WDR55: variants seen among roughly 807,000 people sequenced by gnomAD.
WDR55 encodes the protein WD repeat domain 55.
In WDR55, 31 loss-of-function variants were observed where a neutral mutation model predicts 34.0. The observed-to-expected ratio is 0.91, with a 90% CI of 0.69 to 1.23. The LOEUF is 1.23. WDR55 is among the 50% of genes most tolerant of loss of function. The pLI, the probability that WDR55 is intolerant of heterozygous loss-of-function variation, is 0.00. For synonymous variants in WDR55, 164 were observed against 185.9 expected (o/e 0.88, Z 0.96); for missense variants, 440 against 494.6 (o/e 0.89, Z 1.05).
chr5:140,667,939 C>A (rs1386699471), intron 1 of WDR55: 1 of 263,346 alleles, frequency 3.8e-6, no homozygotes, highest in Non-Finnish European at 7.2e-6. Context: ...CACAGTGGTC[C>A]AGACCCAATC....
rs911633533 is a variant in WDR55 at position 140,672,161 on chromosome 5, T to C, written c.*2507T>C. 1.8e-5 allele frequency: 10 copies of C among 566,046 alleles called. No homozygotes were observed. In the Admixed American group the frequency reaches 1.9e-4, roughly 11 times the overall value. The allele number at this position is 566,046 out of a possible 1,614,324, so 35.1% of individuals were successfully genotyped here. ...ATTCCCTTGAGCAAATCAATTTCTC[T>C]AACAGTTTCCTCATAGCTTGAGGGT... On this transcript the variant is annotated 3_prime_UTR_variant, in exon 7 of 7. Coordinates refer to ENST00000358337, the MANE Select transcript of WDR55 (RefSeq NM_017706.5).
intron 2 of WDR55, 21 bp downstream of exon 2, chr5:140,668,355 C>T (rs1757972083): frequency 1.2e-6 from 2 of 1,614,064 alleles, no homozygotes; most frequent in Non-Finnish European, 1.7e-6. Context: ...GGGAAGACAA[C>T]CAGCAATGTG....
rs1758016831 is a variant in WDR55, at chr5:140,669,489, T to C, written c.987T>C (p.Ala329=). 3.7e-6 allele frequency: 6 copies of C among 1,613,952 alleles called. No homozygotes were observed. Among genetic ancestry groups the C allele is most frequent in the Non-Finnish European group, 5.1e-6 (6 of 1,179,992 alleles). Residue 329 remains alanine (A), a synonymous_variant, in exon 7 of 7, where the codon GCT becomes GCC. Coordinates refer to ENST00000358337, the MANE Select transcript of WDR55 (RefSeq NM_017706.5). ...LKFWDMAQLR[A]VVVDDYRRRK... ...TTTGGGACATGGCCCAGCTGCGAGCTGTGGTGGTGGATGACTACCGTCGGC... is the reference window on the plus strand; with the variant it reads ...TTTGGGACATGGCCCAGCTGCGAGCCGTGGTGGTGGATGACTACCGTCGGC...
Position 140,669,118 on chromosome 5 carries a change from A to G in WDR55, c.700A>G (p.Ile234Val), listed in dbSNP as rs1057358222. ...AGCCTGTGGCTCCAGTGAAGGTACC[A>G]TCTACCTCTTCAATTGGAATGGCTT... The part of the protein sequence containing the change: ...KVACGSSEGT[I>V]YLFNWNGFGA... The change falls in exon 6 of 7, where the codon ATC becomes GTC. Residue 234 changes from isoleucine (I) to valine (V), a missense_variant. Ile to Val is a conservative substitution (Grantham distance 29). Transcript: ENST00000358337. The G allele has an allele frequency of 5.0e-6, 8 of 1,614,142 alleles. No individual in the cohort carries two copies. The highest frequency in any genetic ancestry group is 6.8e-6 in the Non-Finnish European group (8 of 1,180,030).
chr5:140,671,667 C>T lies in WDR55; in HGVS notation c.*2013C>T. The T allele has an allele frequency of 1.3e-6, 2 of 1,583,170 alleles. No individual in the cohort carries two copies. Among genetic ancestry groups the T allele is most frequent in the Non-Finnish European group, 1.7e-6 (2 of 1,164,700 alleles). On this transcript the variant is annotated 3_prime_UTR_variant, in exon 7 of 7. Coordinates refer to ENST00000358337, the MANE Select transcript of WDR55 (RefSeq NM_017706.5). ...GGCTGTGGGGACCGCAAGAAGGGAC[C>T]CACAAGCTGCTGGCGAAGTCGCTGC... is the stretch of plus-strand genomic sequence containing the variant.
rs58033553 is a variant in WDR55, at chr5:140,666,613, T to C, written c.191+1510T>C. The C allele has an allele frequency of 1.7e-3, 1,690 of 985,068 alleles. 21 individuals carry two copies. In the African/African-American group the frequency reaches 0.028, roughly 16 times the overall value. 61.0% of individuals were successfully genotyped at this position (985,068 alleles called of 1,614,324 possible). On this transcript the variant is annotated intron_variant, in intron 1 of 6. Transcript: ENST00000358337. ...GAATGGTTGGTAACCATATGTCCATTTGTGTAATTATTTGAATGCTGTCTC... is the reference window on the plus strand; with the variant it reads ...GAATGGTTGGTAACCATATGTCCATCTGTGTAATTATTTGAATGCTGTCTC...
rs1020016200 is a variant in WDR55 at position 140,669,871 on chromosome 5, G to A, written c.*217G>A. Reference sequence around the variant, plus strand: ...AGCCTCTGGAGCAGCTGGGACTACAGGTGTGCACTACCACACCAGGCCAAT... The same window carrying A: ...AGCCTCTGGAGCAGCTGGGACTACAAGTGTGCACTACCACACCAGGCCAAT... On this transcript the variant is annotated 3_prime_UTR_variant, in exon 7 of 7. Transcript: ENST00000358337. 10 of 568,344 alleles carry A rather than the reference G, an allele frequency of 1.8e-5. No individual in the cohort carries two copies. Among genetic ancestry groups the A allele is most frequent in the Admixed American group, 6.4e-5 (2 of 31,164 alleles). The allele number at this position is 568,344 out of a possible 1,614,324, so 35.2% of individuals were successfully genotyped here. A position where few individuals can be genotyped will look rare whatever the true frequency, so the allele number is the denominator to read the frequency against.
At chr5:140,665,819 G>A (rs906673563) in intron 1 of WDR55, among the ~76,000 whole-genome samples, 2 of 151,924 alleles carry the variant, frequency 1.3e-5, no homozygotes, top group Non-Finnish European at 2.9e-5. Context: ...TGTTCAACAT[G>A]GTGAAACCCC....
At position 140,669,387 on chromosome 5, in the gene WDR55, G is replaced by T. The variant is rs1489229962; in HGVS notation, c.885G>T (p.Gly295=). The T allele has an allele frequency of 6.2e-7, 1 of 1,613,926 alleles. No homozygotes were observed. Among genetic ancestry groups the T allele is most frequent in the East Asian group, 2.2e-5 (1 of 44,894 alleles). The change falls in exon 7 of 7, where the codon GGG becomes GGT. Residue 295 remains glycine, a synonymous_variant. Coordinates refer to ENST00000358337, the MANE Select transcript of WDR55 (RefSeq NM_017706.5). ...TGGGCAGTGTGGGCCAGCACACTGG[G>T]GAGCCTGTGGAGGAGCTGGCCCTCT... is the stretch of plus-strand genomic sequence containing the variant. The part of the protein sequence containing the change: ...RVVGSVGQHT[G]EPVEELALSH...
chr5:140,671,553 G>A lies in WDR55; in HGVS notation c.*1899G>A. The A allele has an allele frequency of 6.4e-7, 1 of 1,567,494 alleles. No individual in the cohort carries two copies. The highest frequency in any genetic ancestry group is 1.2e-5 in the South Asian group (1 of 86,162). ...TTGGTGAGGAACACAGGGCTGCCCAGCTTCATTCGTTGGCACAGCAACTGC... is the reference window on the plus strand; with the variant it reads ...TTGGTGAGGAACACAGGGCTGCCCAACTTCATTCGTTGGCACAGCAACTGC... On this transcript the variant is annotated 3_prime_UTR_variant, in exon 7 of 7. Coordinates refer to ENST00000358337, the MANE Select transcript of WDR55 (RefSeq NM_017706.5).
rs770977496 is a variant in WDR55 at position 140,668,255 on chromosome 5, G to A, written c.213G>A (p.Glu71=). ...CCAGCTTTTCCTACTCTTGCCAAGA[G>A]GGAGAAACCAAGGAGCTCTGGTCAT... The part of the protein sequence containing the change: ...DVFVFSYSCQ[E]GETKELWSSG... Residue 71 remains glutamate (E), a synonymous_variant, in exon 2 of 7, where the codon GAG becomes GAA. Coordinates refer to ENST00000358337, the MANE Select transcript of WDR55 (RefSeq NM_017706.5). 10 of 1,610,668 alleles carry A rather than the reference G, an allele frequency of 6.2e-6. No homozygotes were observed. The highest frequency in any genetic ancestry group is 1.7e-4 in the Middle Eastern group (1 of 6,054).
At chr5:140,666,874 G>C (rs921437937) in intron 1 of WDR55, 2 of 985,196 alleles carry the variant, frequency 2.0e-6, no homozygotes, top group East Asian at 2.3e-4. Context: ...CTCTAGTCTA[G>C]GGTAGATGCT....
chr5:140,669,573 C>T lies in WDR55; in HGVS notation c.1071C>T (p.Asp357=). The part of the protein sequence containing the change: ...ALSSKTWSTD[D]FFAGLREEGE... ...GCAGCAAGACTTGGAGCACCGATGA[C>T]TTCTTCGCAGGACTGAGGGAAGAGG... is the stretch of plus-strand genomic sequence containing the variant. Residue 357 remains aspartate, a synonymous_variant, in exon 7 of 7, where the codon GAC becomes GAT. Coordinates refer to ENST00000358337, the MANE Select transcript of WDR55 (RefSeq NM_017706.5). The T allele has an allele frequency of 6.2e-7, 1 of 1,614,142 alleles. No homozygotes were observed. The highest frequency in any genetic ancestry group is 8.5e-7 in the Non-Finnish European group (1 of 1,180,014).
chr5:140,668,043 T>TGA, intron 1 of WDR55, 191 bp from the exon 2 acceptor site: 1 of 579,166 alleles, frequency 1.7e-6, no homozygotes, highest in African/African-American at 1.9e-5. Flanking sequence ...TAACATATAT[T>TGA]GAAAAAAGCA....
At chr5:140,668,078 A>G in intron 1 of WDR55, 156 bp from the exon 2 acceptor site, 1 of 752,750 alleles carries the variant, frequency 1.3e-6, no homozygotes, top group Non-Finnish European at 2.0e-6. Context: ...AAACTCACTG[A>G]AAATGGAGAA....
Position 140,668,618 on chromosome 5 carries a change from C to A in WDR55, c.387C>A (p.Pro129=), listed in dbSNP as rs780240150. 1 of 1,613,334 alleles carries A rather than the reference C, an allele frequency of 6.2e-7. No homozygotes were observed. The highest frequency in any genetic ancestry group is 1.1e-5 in the South Asian group (1 of 90,960). ...TCTACATCTGTGTCTCTAGTGCCCC[C>A]ATCAATAGTCTTCTGCTGGTGGATG... The part of the protein sequence containing the change: ...ERRVSKAHGA[P]INSLLLVDEN... Residue 129 remains proline (P), a synonymous_variant, in exon 4 of 7, where the codon CCC becomes CCA. Transcript: ENST00000358337.
intron 1 of WDR55, chr5:140,667,625 G>T (rs1181418686): frequency 6.6e-6 from 1 of 152,224 alleles, no homozygotes; most frequent in Admixed American, 6.5e-5. Flanking sequence ...TGCCTACCTG[G>T]AACTCACTGG....
rs1758086503 is a variant in WDR55, at chr5:140,671,922, G to A, written c.*2268G>A. On this transcript the variant is annotated 3_prime_UTR_variant, in exon 7 of 7. Coordinates refer to ENST00000358337, the MANE Select transcript of WDR55 (RefSeq NM_017706.5). ...CCTTCAGCCTCCATTATTTGCAAAG[G>A]GAGTATAACACACTGCTACCTTACA... The A allele has an allele frequency of 1.4e-6, 1 of 735,108 alleles. No homozygotes were observed. Among genetic ancestry groups the A allele is most frequent in the African/African-American group, 1.8e-5 (1 of 57,024 alleles). 45.5% of individuals were successfully genotyped at this position (735,108 alleles called of 1,614,324 possible).
intron 1 of WDR55, 69 bp downstream of exon 1, chr5:140,665,172 G>C: frequency 6.9e-7 from 1 of 1,456,000 alleles, no homozygotes; most frequent in Non-Finnish European, 9.2e-7. Context: ...GAACAGGAGA[G>C]ATGAGAGAAA....
Sources: allele counts gnomAD v4.1 joint callset (sites outside exome capture counted in the v4.1 genomes callset), GRCh38; gene constraint gnomAD v4.1.1; transcripts MANE v1.5; gene names NCBI Gene and HGNC (gene_info 2026-07-23, HGNC 2026-07-21).